Variants in TENM3 observed in about 807,000 individuals in gnomAD.
The protein encoded by TENM3 is teneurin-3.
TENM3 carries 63 observed loss-of-function variants against 255.1 expected under a neutral mutation model. The observed-to-expected ratio is 0.25, with a 90% CI of 0.20 to 0.30. The LOEUF is 0.30. Among genes scored for constraint, TENM3 ranks in the 10% least tolerant of loss-of-function variants. TENM3 has a pLI of 1.00. For missense variants in TENM3, 2,929 were observed against 3,461.1 expected (o/e 0.85, Z 3.86); for synonymous variants, 1,306 against 1,322.3 (o/e 0.99, Z 0.27).
chr4:181,920,825 T>G, the TENM3 span, among the ~76,000 whole-genome samples: 1 of 152,166 alleles, frequency 6.6e-6, no homozygotes, highest in Non-Finnish European at 1.5e-5. Context: ...ATGTCCTGAA[T>G]GGTAATGCCT....
chr4:182,608,171 C>T (rs2152425686), intron 4 of TENM3, among the ~76,000 whole-genome samples: 1 of 152,262 alleles, frequency 6.6e-6, no homozygotes, highest in Middle Eastern at 3.4e-3. Context: ...TATTTTATGT[C>T]TACTTGACAT....
chr4:181,477,527 A>G, the TENM3 span, among the ~76,000 whole-genome samples: 1 of 152,166 alleles, frequency 6.6e-6, no homozygotes, highest in Non-Finnish European at 1.5e-5. Context: ...AGGTTTGAAT[A>G]CCCACAACTC....
chr4:182,351,564 G>C (rs6814815), intron 3 of TENM3, among the ~76,000 whole-genome samples: 3,919 of 152,292 alleles, frequency 0.026, 166 homozygotes, highest in African/African-American at 0.088. Context: ...TCTCCTGTTG[G>C]AGTCTAGTTC....
the TENM3 span, among the ~76,000 whole-genome samples, chr4:181,666,555 A>G: frequency 2.6e-5 from 4 of 152,186 alleles, no homozygotes; most frequent in Non-Finnish European, 5.9e-5. Context: ...CCAACTCTAT[A>G]ACTAGAAATT....
intron 3 of TENM3, among the ~76,000 whole-genome samples, chr4:182,551,601 C>A (rs1742028755): frequency 6.6e-6 from 1 of 152,044 alleles, no homozygotes; most frequent in Non-Finnish European, 1.5e-5. Flanking sequence ...AATATAATTT[C>A]ATAAGAGGCA....
At chr4:182,606,918 G>A (rs1400780679) in intron 4 of TENM3, among the ~76,000 whole-genome samples, 1 of 152,140 alleles carries the variant, frequency 6.6e-6, no homozygotes, top group Non-Finnish European at 1.5e-5. Context: ...GGATATAGTA[G>A]GGATACAAAT....
the TENM3 span, among the ~76,000 whole-genome samples, chr4:181,547,952 C>G: frequency 6.6e-6 from 1 of 151,998 alleles, no homozygotes; most frequent in Non-Finnish European, 1.5e-5. Flanking sequence ...AATGCTATCC[C>G]TCCCCCGTCC....
chr4:182,776,892 A>G (rs1242424893), intron 24 of TENM3, among the ~76,000 whole-genome samples: 1 of 152,228 alleles, frequency 6.6e-6, no homozygotes, highest in Non-Finnish European at 1.5e-5. Flanking sequence ...TCCCACTGAA[A>G]GGAGATTTCC....
chr4:181,826,411 T>C, the TENM3 span, among the ~76,000 whole-genome samples: 1 of 152,340 alleles, frequency 6.6e-6, no homozygotes, highest in Non-Finnish European at 1.5e-5. Flanking sequence ...TGTGACGGGA[T>C]CAGGATGTAA....
intron 1 of TENM3, among the ~76,000 whole-genome samples, chr4:182,202,434 C>T (rs6855808): frequency 0.47 from 71,153 of 151,408 alleles, 19,397 homozygotes; most frequent in African/African-American, 0.77. Flanking sequence ...GCCTCCCAAG[C>T]AGCTGGGATT....
chr4:182,475,790 G>C (rs1235672737), intron 3 of TENM3, among the ~76,000 whole-genome samples: 1 of 152,082 alleles, frequency 6.6e-6, no homozygotes, highest in African/African-American at 2.4e-5. Flanking sequence ...ATGTCTGTCT[G>C]TATTGAACAA....
At chr4:182,774,819 T>C (rs370078029) in intron 23 of TENM3, 99 bp from the exon 24 acceptor site, 14 of 776,638 alleles carry the variant, frequency 1.8e-5, no homozygotes, top group East Asian at 2.7e-5. Context: ...TCCTTATTCC[T>C]AGTCAACTTT....
the TENM3 span, among the ~76,000 whole-genome samples, chr4:181,568,083 T>TC: frequency 3.3e-5 from 5 of 152,182 alleles, no homozygotes; most frequent in East Asian, 7.7e-4. Flanking sequence ...GTTTTTCTCA[T>TC]CCTTTTTTAC....
chr4:181,640,139 G>A, the TENM3 span, among the ~76,000 whole-genome samples: 1 of 152,138 alleles, frequency 6.6e-6, no homozygotes, highest in Non-Finnish European at 1.5e-5. Context: ...GGGCTTTAGT[G>A]AGTTCTGTGG....
the TENM3 span, among the ~76,000 whole-genome samples, chr4:181,635,686 T>C: frequency 6.6e-6 from 1 of 152,202 alleles, no homozygotes; most frequent in African/African-American, 2.4e-5. Context: ...GGCCTACCAC[T>C]TCCGCTTTCA....
the TENM3 span, among the ~76,000 whole-genome samples, chr4:182,056,056 A>G: frequency 1.3e-5 from 2 of 152,150 alleles, no homozygotes; most frequent in Admixed American, 1.3e-4. Context: ...TGAGTAAATT[A>G]GGAGTGGTGT....
intron 3 of TENM3, among the ~76,000 whole-genome samples, chr4:182,564,564 GT>G (rs1207147264): frequency 2.5e-4 from 35 of 137,282 alleles, no homozygotes; most frequent in Non-Finnish European, 3.8e-4. Flanking sequence ...TTGTTTTTTT[GT>G]TTTTGTTTTT....
intron 1 of TENM3, among the ~76,000 whole-genome samples, chr4:182,305,675 C>T (rs1283174296): frequency 1.3e-5 from 2 of 152,222 alleles, no homozygotes; most frequent in African/African-American, 2.4e-5. Context: ...TTCTGCACAG[C>T]GGCTCTTTGC....
chr4:182,227,510 G>A (rs1159067128), intron 1 of TENM3, among the ~76,000 whole-genome samples: 2 of 152,146 alleles, frequency 1.3e-5, no homozygotes, highest in Non-Finnish European at 2.9e-5. Flanking sequence ...CAAACCGTAG[G>A]CGTCAGTGGT....
Sources: allele counts gnomAD v4.1 joint callset (sites outside exome capture counted in the v4.1 genomes callset), GRCh38; gene constraint gnomAD v4.1.1; transcripts MANE v1.5; gene names NCBI Gene and HGNC (gene_info 2026-07-23, HGNC 2026-07-21).